SGCD: variants seen among roughly 807,000 people sequenced by gnomAD.
SGCD encodes the protein delta-sarcoglycan.
SGCD carries 18 observed loss-of-function variants against 36.6 expected under a neutral mutation model. That is an observed-to-expected ratio of 0.49 (90% confidence interval 0.34 to 0.73). SGCD has a LOEUF of 0.73. Among genes scored for constraint, SGCD ranks in the 30% least tolerant of loss-of-function variants. The probability of loss-of-function intolerance (pLI) is 0.01; values close to 1 mark genes in which losing one functional copy is unlikely to be tolerated. For synonymous variants in SGCD, 133 were observed against 130.6 expected (o/e 1.02, Z -0.12); for missense variants, 387 against 346.7 (o/e 1.12, Z -0.92).
At chr5:156,330,016 CAAAAAAAAAAA>C (rs758475764) in intron 2 of SGCD, among the ~76,000 whole-genome samples, 658 of 57,566 alleles carry the variant, frequency 0.011, 8 homozygotes, top group African/African-American at 0.042. Flanking sequence ...GATTCAGTCT[CAAAAAAAAAAA>C]AAAAAAAAAA....
At chr5:155,891,298 T>G (rs1465821620) in intron 1 of SGCD, among the ~76,000 whole-genome samples, 1 of 152,158 alleles carries the variant, frequency 6.6e-6, no homozygotes, top group Non-Finnish European at 1.5e-5. Flanking sequence ...TCAAGTTCCT[T>G]GTGGCTAAAA....
intron 7 of SGCD, among the ~76,000 whole-genome samples, chr5:156,705,703 C>T (rs557165096): frequency 5.7e-4 from 87 of 152,224 alleles, no homozygotes; most frequent in Admixed American, 1.7e-3. Flanking sequence ...TGGTGATAAG[C>T]TGTGTGTGAT....
intron 3 of SGCD, among the ~76,000 whole-genome samples, chr5:156,484,481 A>G (rs1755572338): frequency 6.6e-6 from 1 of 152,240 alleles, no homozygotes; most frequent in Non-Finnish European, 1.5e-5. Flanking sequence ...CTGCTACTGC[A>G]ATACTCTGTA....
At chr5:155,996,886 T>TAGATAGAC (rs1409143637) in intron 1 of SGCD, among the ~76,000 whole-genome samples, 1 of 144,172 alleles carries the variant, frequency 6.9e-6, no homozygotes, top group African/African-American at 2.9e-5. Context: ...GATAGATAGA[T>TAGATAGAC]AGATAGATAG....
At chr5:156,448,731 CTTTTTTTT>C (rs1158844774) in intron 3 of SGCD, among the ~76,000 whole-genome samples, 3,250 of 75,990 alleles carry the variant, frequency 0.043, 56 homozygotes, top group East Asian at 0.12. Flanking sequence ...TTTTCTTTTT[CTTTTTTTT>C]TTTTTTTTTT....
intron 7 of SGCD, among the ~76,000 whole-genome samples, chr5:156,706,264 C>A (rs1178798012): frequency 6.6e-6 from 1 of 152,158 alleles, no homozygotes; most frequent in Admixed American, 6.5e-5. Context: ...CTTGTCATCT[C>A]ACTCTGATTG....
At chr5:155,874,836 C>T (rs1755733293) in intron 1 of SGCD, among the ~76,000 whole-genome samples, 1 of 152,122 alleles carries the variant, frequency 6.6e-6, no homozygotes, top group Non-Finnish European at 1.5e-5. Context: ...GCTACCACTG[C>T]TTTGGAAAAC....
chr5:155,738,951 AAGAG>A, the SGCD span, among the ~76,000 whole-genome samples: 12 of 151,850 alleles, frequency 7.9e-5, no homozygotes, highest in South Asian at 4.2e-4. Flanking sequence ...GTGAGAGAGA[AAGAG>A]AGAGAGAAAG....
At chr5:156,071,784 C>T (rs10476270) in intron 1 of SGCD, among the ~76,000 whole-genome samples, 58 of 152,296 alleles carry the variant, frequency 3.8e-4, no homozygotes, top group African/African-American at 1.3e-3. Context: ...TTGTAGGTCA[C>T]TCAGGACTTG....
chr5:156,629,865 T>C (rs1014716269), intron 6 of SGCD, among the ~76,000 whole-genome samples: 3 of 145,020 alleles, frequency 2.1e-5, no homozygotes, highest in Admixed American at 6.8e-5. Flanking sequence ...CTTTTTTTTT[T>C]TTTTTTTTTT....
At chr5:155,946,735 A>G (rs192916417) in intron 1 of SGCD, among the ~76,000 whole-genome samples, 164 of 152,308 alleles carry the variant, frequency 1.1e-3, no homozygotes, top group African/African-American at 3.8e-3. Context: ...TAGTTATAGC[A>G]TATCTCCAAA....
the SGCD span, among the ~76,000 whole-genome samples, chr5:155,844,121 A>AC: frequency 6.6e-6 from 1 of 151,636 alleles, no homozygotes; most frequent in African/African-American, 2.4e-5. Flanking sequence ...AGGGGAAAAA[A>AC]AAACAATCAG....
intron 6 of SGCD, among the ~76,000 whole-genome samples, chr5:156,601,312 A>G (rs1427868000): frequency 6.6e-6 from 1 of 152,180 alleles, no homozygotes; most frequent in Non-Finnish European, 1.5e-5. Context: ...TGATTTTTAT[A>G]TATAGTGAGA....
intron 1 of SGCD, among the ~76,000 whole-genome samples, chr5:156,062,647 T>C (rs1303415440): frequency 6.8e-5 from 2 of 29,510 alleles, no homozygotes; most frequent in African/African-American, 2.1e-4. Flanking sequence ...AGATGATATC[T>C]CATAGTGGTT....
At chr5:156,383,807 G>T (rs751013555) in intron 3 of SGCD, among the ~76,000 whole-genome samples, 24 of 152,178 alleles carry the variant, frequency 1.6e-4, no homozygotes, top group Non-Finnish European at 3.2e-4. Flanking sequence ...TATTGGAACA[G>T]ATCGTATCTT....
rs966442641 is a variant in SGCD, at chr5:156,233,887, TTTTG to T, written c.-43-95635_-43-95632del. On this transcript the variant is annotated intron_variant, in intron 3 of 9. Coordinates refer to the SGCD transcript ENST00000517913. ...GGAACAGAGTGAGACCACATCTGTT[TTTTG>T]TTTGTTTGTTTTTGTTTTGTTTTTT... Among the ~76,000 whole-genome samples the T allele has an allele frequency of 7.2e-5, 11 of 152,078 alleles. 1 individual carries two copies. Among genetic ancestry groups the T allele is most frequent in the Admixed American group, 1.3e-4 (2 of 15,256 alleles).
chr5:156,393,136 C>T (rs1771670584), intron 3 of SGCD, among the ~76,000 whole-genome samples: 1 of 152,188 alleles, frequency 6.6e-6, no homozygotes, highest in Non-Finnish European at 1.5e-5. Flanking sequence ...CTTCTCTTCT[C>T]AGCATTTCGC....
At chr5:156,137,756 G>A (rs1762492920) in intron 3 of SGCD, among the ~76,000 whole-genome samples, 1 of 152,112 alleles carries the variant, frequency 6.6e-6, no homozygotes, top group African/African-American at 2.4e-5. Flanking sequence ...GGGGCCGGCA[G>A]CATTACTGGT....
chr5:156,125,911 T>G (rs1762160333), intron 3 of SGCD, among the ~76,000 whole-genome samples: 1 of 149,592 alleles, frequency 6.7e-6, no homozygotes, highest in African/African-American at 2.5e-5. Context: ...GGAGTCTCAC[T>G]TTGTTGCCCA....
Sources: gnomAD v4.1 joint callset for allele counts (sites outside exome capture counted in the v4.1 genomes callset) on GRCh38, gnomAD v4.1.1 for gene constraint, MANE v1.5 for transcripts, NCBI Gene and HGNC (gene_info 2026-07-23, HGNC 2026-07-21) for gene names.